RIMS1: variants seen among roughly 807,000 people sequenced by gnomAD.
The protein encoded by RIMS1 is regulating synaptic membrane exocytosis 1, also known as regulating synaptic membrane exocytosis protein 1.
A neutral mutation model predicts 214.1 loss-of-function variants in RIMS1; 83 were observed. The ratio of observed to expected loss-of-function variants is 0.39; its 90% CI spans 0.32 to 0.47. The LOEUF is 0.47. Among genes scored for constraint, RIMS1 ranks in the 20% least tolerant of loss-of-function variants. The pLI is 0.99. For missense variants in RIMS1, 2,050 were observed against 2,161.8 expected (o/e 0.95, Z 1.03); for synonymous variants, 793 against 786.8 (o/e 1.01, Z -0.13).
In RIMS1 at chr6:71,938,309, T is replaced by G. The variant is rs78360822; in HGVS notation, c.165-30674T>G. ...CTAGGGTCTCTGAGGTGGCCTTGCT[T>G]TCATGGCTCCACTAAACATTGCCCT... On this transcript the variant is annotated intron_variant, in intron 1 of 33. Transcript: ENST00000521978. Among the ~76,000 whole-genome samples the G allele has an allele frequency of 7.9e-3, 1,203 of 152,236 alleles. 19 individuals carry two copies. The highest frequency in any genetic ancestry group is 0.028 in the African/African-American group (1,155 of 41,518).
chr6:72,017,602 A>G (rs1813191021), intron 2 of RIMS1, among the ~76,000 whole-genome samples: 2 of 152,230 alleles, frequency 1.3e-5, no homozygotes, highest in South Asian at 4.1e-4. Context: ...AGCATTTATT[A>G]TGTATTGGAA....
intron 4 of RIMS1, among the ~76,000 whole-genome samples, chr6:72,171,729 A>T (rs944156080): frequency 3.9e-5 from 6 of 152,128 alleles, no homozygotes; most frequent in Non-Finnish European, 7.4e-5. Flanking sequence ...AACTCTAGAA[A>T]TCACTCTTCT....
chr6:72,291,976 C>T lies in RIMS1; in HGVS notation c.3780C>T (p.Asp1260=). The change falls in exon 26 of 34, where the codon GAC becomes GAT. Residue 1260 remains aspartate, a synonymous_variant. Coordinates refer to ENST00000521978, the MANE Select transcript of RIMS1 (RefSeq NM_014989.7). The part of the protein sequence containing the change: ...QRSPTQSPPA[D]TSFSSRRGRQ... The stretch of plus-strand genomic sequence containing the variant: ...GTCCAACACAATCTCCTCCAGCAGA[C>T]ACATCGTTCAGCAGTCGCAGGGGAA... 1 of 1,564,892 alleles carries T rather than the reference C, an allele frequency of 6.4e-7. No homozygotes were observed. Among genetic ancestry groups the T allele is most frequent in the Non-Finnish European group, 8.7e-7 (1 of 1,154,752 alleles).
intron 2 of RIMS1, among the ~76,000 whole-genome samples, chr6:72,093,585 A>G (rs1003511038): frequency 4.6e-5 from 7 of 151,988 alleles, no homozygotes; most frequent in Admixed American, 2.6e-4. Flanking sequence ...TGGATTTTTA[A>G]AATCTAATGT....
intron 6 of RIMS1, among the ~76,000 whole-genome samples, chr6:72,193,692 A>G (rs1297431611): frequency 1.3e-5 from 2 of 152,192 alleles, no homozygotes; most frequent in African/African-American, 4.8e-5. Flanking sequence ...AACTGAAATA[A>G]AAGTATCTAC....
At chr6:72,214,511 T>C (rs1366268917) in intron 6 of RIMS1, among the ~76,000 whole-genome samples, 2 of 152,158 alleles carry the variant, frequency 1.3e-5, no homozygotes, top group Non-Finnish European at 1.5e-5. Flanking sequence ...TGAGATGGAA[T>C]GAGGGACAAA....
At chr6:72,331,855 T>G (rs933432759) in intron 28 of RIMS1, among the ~76,000 whole-genome samples, 1 of 151,854 alleles carries the variant, frequency 6.6e-6, no homozygotes, top group Non-Finnish European at 1.5e-5. Flanking sequence ...ATTATCAGAA[T>G]TTTGATGTGG....
At chr6:72,181,665 G>C (rs2048419424) in intron 5 of RIMS1, among the ~76,000 whole-genome samples, 1 of 152,200 alleles carries the variant, frequency 6.6e-6, no homozygotes, top group Non-Finnish European at 1.5e-5. Context: ...TGAGGAATTG[G>C]GAAGTACAGA....
intron 2 of RIMS1, among the ~76,000 whole-genome samples, chr6:72,089,295 G>A (rs1012998203): frequency 6.6e-6 from 1 of 152,082 alleles, no homozygotes; most frequent in Non-Finnish European, 1.5e-5. Context: ...AACACACTGG[G>A]CATCATTTTC....
chr6:72,352,983 CTTTTTTTTT>C (rs70994123), intron 29 of RIMS1, among the ~76,000 whole-genome samples: 1 of 88,288 alleles, frequency 1.1e-5, no homozygotes, highest in Non-Finnish European at 2.1e-5. Flanking sequence ...ATTCTTTTTT[CTTTTTTTTT>C]TTTTTTTTTT....
At chr6:72,348,038 CA>C (rs2097325206) in intron 29 of RIMS1, among the ~76,000 whole-genome samples, 1 of 151,810 alleles carries the variant, frequency 6.6e-6, no homozygotes, top group South Asian at 2.1e-4. Context: ...TTTGCTTAGT[CA>C]AAACATAATG....
intron 2 of RIMS1, among the ~76,000 whole-genome samples, chr6:71,994,288 G>A (rs904675984): frequency 9.9e-5 from 15 of 152,230 alleles, no homozygotes; most frequent in African/African-American, 2.9e-4. Flanking sequence ...GAAAAGAAGA[G>A]AAAATATTTC....
At chr6:72,289,811 C>T (rs2093043427) in intron 24 of RIMS1, among the ~76,000 whole-genome samples, 1 of 151,806 alleles carries the variant, frequency 6.6e-6, no homozygotes, top group Non-Finnish European at 1.5e-5. Context: ...TCATTTTATT[C>T]TTTCTGTCAA....
chr6:72,268,958 A>C (rs1423078339), intron 22 of RIMS1, among the ~76,000 whole-genome samples: 1 of 152,028 alleles, frequency 6.6e-6, no homozygotes, highest in Non-Finnish European at 1.5e-5. Context: ...CCTGCTATTA[A>C]CCTTTGCTTT....
chr6:72,168,006 G>T (rs1379573626), intron 4 of RIMS1, among the ~76,000 whole-genome samples: 1 of 151,866 alleles, frequency 6.6e-6, no homozygotes, highest in African/African-American at 2.4e-5. Flanking sequence ...ATCTGGAAAT[G>T]GTATGGATAA....
At chr6:72,075,387 C>T (rs994283126) in intron 2 of RIMS1, among the ~76,000 whole-genome samples, 1 of 152,160 alleles carries the variant, frequency 6.6e-6, no homozygotes, top group Non-Finnish European at 1.5e-5. Context: ...AGATCACAAG[C>T]ATGAGCCACT....
At chr6:72,256,955 C>A (rs1164651988) in intron 16 of RIMS1, among the ~76,000 whole-genome samples, 1 of 151,786 alleles carries the variant, frequency 6.6e-6, no homozygotes, top group East Asian at 1.9e-4. Flanking sequence ...TTTCTTTAGT[C>A]TGAATATTGT....
chr6:72,379,271 C>G (rs1020207478), intron 29 of RIMS1, among the ~76,000 whole-genome samples: 11 of 152,222 alleles, frequency 7.2e-5, no homozygotes, highest in African/African-American at 2.4e-4. Context: ...TCCTTTATGT[C>G]AGAGGACTAG....
At chr6:72,227,251 G>A (rs1404689640) in intron 6 of RIMS1, among the ~76,000 whole-genome samples, 1 of 151,874 alleles carries the variant, frequency 6.6e-6, no homozygotes, top group Non-Finnish European at 1.5e-5. Context: ...ATTTTTCTTA[G>A]TTTGTACGTG....
Sources: gnomAD v4.1 joint callset for allele counts (sites outside exome capture counted in the v4.1 genomes callset) on GRCh38, gnomAD v4.1.1 for gene constraint, MANE v1.5 for transcripts, NCBI Gene and HGNC (gene_info 2026-07-23, HGNC 2026-07-21) for gene names.